USP6NL: variants seen among roughly 807,000 people sequenced by gnomAD.
The protein encoded by USP6NL is USP6 N-terminal-like protein.
Under a neutral mutation model 61.9 loss-of-function variants are expected in USP6NL, and 26 were observed. The ratio of observed to expected loss-of-function variants is 0.42; its 90% CI spans 0.31 to 0.58. The LOEUF (loss-of-function observed/expected upper bound fraction) is 0.58. Ranked by LOEUF, USP6NL falls within the 20% of genes least tolerant of loss-of-function variation. The pLI, the probability that USP6NL is intolerant of heterozygous loss-of-function variation, is 0.16. For synonymous variants in USP6NL, 432 were observed against 390.1 expected, an observed-to-expected ratio of 1.11 and a Z score of -1.27; for missense variants, 1,114 against 1,034.3, an observed-to-expected ratio of 1.08 and a Z score of -1.06.
Position 11,482,038 on chromosome 10 carries a change from A to G in USP6NL, c.926-116T>C. 1 of 1,027,696 alleles carries G rather than the reference A, an allele frequency of 9.7e-7. No individual in the cohort carries two copies. The highest frequency in any genetic ancestry group is 1.4e-6 in the Non-Finnish European group (1 of 739,648). 63.7% of individuals were successfully genotyped at this position (1,027,696 alleles called of 1,614,324 possible). ...GCATTAAAAAGGGCGCAAGCAGCAT[A>G]CAACTTACATATGGCATTGAGGACA... On this transcript the variant is annotated intron_variant, in intron 13 of 14. Transcript: ENST00000609104. This position sits in a 1 kb window ranked among gnomAD's most constrained non-coding sequence, Gnocchi z 4.0.
rs1838397565 is a variant in USP6NL, at chr10:11,598,346, C to T, written c.-83-629G>A. ...TTTTTCTAAGTATTTTAAAAATATACTTGATACTACACATAAAATTTTGTA... is the reference window on the plus strand; with the variant it reads ...TTTTTCTAAGTATTTTAAAAATATATTTGATACTACACATAAAATTTTGTA... On this transcript the variant is annotated intron_variant, in intron 1 of 14. Transcript: ENST00000609104. This position sits in a 1 kb window ranked among gnomAD's most constrained non-coding sequence, Gnocchi z 4.7. Among the ~76,000 whole-genome samples the T allele has an allele frequency of 1.3e-5, 2 of 152,056 alleles. No homozygotes were observed. The highest frequency in any genetic ancestry group is 4.8e-5 in the African/African-American group (2 of 41,410).
chr10:11,462,001 A>C lies in USP6NL; in HGVS notation c.*440T>G, dbSNP rs575736477. The C allele has an allele frequency of 8.3e-5, 13 of 156,098 alleles. No individual in the cohort carries two copies. Among genetic ancestry groups the C allele is most frequent in the Admixed American group, 2.5e-4 (4 of 15,728 alleles). 9.7% of individuals were successfully genotyped at this position (156,098 alleles called of 1,614,324 possible). On this transcript the variant is annotated 3_prime_UTR_variant, in exon 15 of 15. Coordinates refer to ENST00000609104, the MANE Select transcript of USP6NL (RefSeq NM_014688.5). The stretch of plus-strand genomic sequence containing the variant: ...AAAACGTTTCTTTAGCTCTGTGTTC[A>C]AATGTGGATGAACAGATGCCTATAT...
In USP6NL at chr10:11,553,789, G is replaced by T. The variant is rs775915199; in HGVS notation, c.5-26222C>A. ...TGGGCGCCTGTAATCCCAACTACTC[G>T]CGAGGCTCAGGCAAGAGAACTGCTT... On this transcript the variant is annotated intron_variant, in intron 2 of 14. Transcript: ENST00000609104. The surrounding 1 kb of genome is among the most constrained non-coding windows in gnomAD (Gnocchi z 4.8). Among the ~76,000 whole-genome samples, 5 of 151,694 alleles carry T rather than the reference G, an allele frequency of 3.3e-5. No homozygotes were observed. Among genetic ancestry groups the T allele is most frequent in the African/African-American group, 9.7e-5 (4 of 41,260 alleles).
At chr10:11,483,606 AGG>A (rs1566124322) in intron 13 of USP6NL, among the ~76,000 whole-genome samples, 4 of 5,958 alleles carry the variant, frequency 6.7e-4, no homozygotes, top group East Asian at 0.011. Flanking sequence ...GGGAGGGGGG[AGG>A]GGGAGAGGGG....
At chr10:11,571,087 CTT>C (rs34320297) in intron 2 of USP6NL, among the ~76,000 whole-genome samples, 2 of 145,562 alleles carry the variant, frequency 1.4e-5, no homozygotes, top group African/African-American at 2.5e-5. Flanking sequence ...CAAAATAATT[CTT>C]TTTTTTTTTT....
chr10:11,599,396 A>G (rs1838435871), intron 1 of USP6NL, among the ~76,000 whole-genome samples: 1 of 152,252 alleles, frequency 6.6e-6, no homozygotes, highest in South Asian at 2.1e-4. Context: ...TGTGCGATGT[A>G]GCACACTGCT....
In USP6NL at chr10:11,489,323, C is replaced by G. The variant is rs990479155; in HGVS notation, c.544-101G>C. ...CTATAAAAACCAGAAAATGCCTACA[C>G]ACATCATTTAATGGTCCATTCTAGA... On this transcript the variant is annotated intron_variant, in intron 9 of 14. Transcript: ENST00000609104. This position sits in a 1 kb window ranked among gnomAD's most constrained non-coding sequence, Gnocchi z 5.7. 2 of 1,457,632 alleles carry G rather than the reference C, an allele frequency of 1.4e-6. No individual in the cohort carries two copies. The highest frequency in any genetic ancestry group is 2.3e-5 in the East Asian group (1 of 43,522). 90.3% of individuals were successfully genotyped at this position (1,457,632 alleles called of 1,614,324 possible).
chr10:11,577,532 G>T (rs143659195), intron 2 of USP6NL, among the ~76,000 whole-genome samples: 2 of 152,010 alleles, frequency 1.3e-5, no homozygotes, highest in South Asian at 2.1e-4. Flanking sequence ...ACAGAGTCTC[G>T]CTCTGTCAGC....
In USP6NL at chr10:11,487,218, T is replaced by A. The variant is rs2133248124; in HGVS notation, c.665-1307A>T. ...ACAGTTCTTCATTTTCCACTGATGT[T>A]CCAGATCTCATATTTTATATTTTCA... On this transcript the variant is annotated intron_variant, in intron 10 of 14. Transcript: ENST00000609104. This position sits in a 1 kb window ranked among gnomAD's most constrained non-coding sequence, Gnocchi z 4.2. 6.6e-6 allele frequency among the ~76,000 whole-genome samples: 1 copy of A among 152,294 alleles called. No homozygotes were observed. The highest frequency in any genetic ancestry group is 1.9e-4 in the East Asian group (1 of 5,188).
Position 11,550,642 on chromosome 10 carries a change from A to G in USP6NL, c.5-23075T>C, listed in dbSNP as rs1379161403. Among the ~76,000 whole-genome samples, 4 of 152,044 alleles carry G rather than the reference A, an allele frequency of 2.6e-5. No individual in the cohort carries two copies. In the East Asian group the frequency reaches 7.7e-4, roughly 29 times the overall value. On this transcript the variant is annotated intron_variant, in intron 2 of 14. Coordinates refer to ENST00000609104, the MANE Select transcript of USP6NL (RefSeq NM_014688.5). Reference sequence around the variant, plus strand: ...GTGGTGGCACACACCTGTAGTCCCAACTACTCAGGGAGGCTGAGGCAGAAG... The same window carrying G: ...GTGGTGGCACACACCTGTAGTCCCAGCTACTCAGGGAGGCTGAGGCAGAAG...
intron 2 of USP6NL, chr10:11,573,827 G>T (rs1357955860): frequency 2.5e-6 from 1 of 394,116 alleles, no homozygotes; most frequent in Non-Finnish European, 4.5e-6. Flanking sequence ...TATCCATGAA[G>T]GCTCTGAAGC....
At chr10:11,579,811 T>C (rs938227607) in intron 2 of USP6NL, among the ~76,000 whole-genome samples, 2 of 150,764 alleles carry the variant, frequency 1.3e-5, no homozygotes, top group African/African-American at 2.4e-5. Flanking sequence ...AAAAGCTAGA[T>C]AGTAAATGTT....
At position 11,460,530 on chromosome 10, in the gene USP6NL, T is replaced by G. The variant is rs1308980963; in HGVS notation, c.*1911A>C. 6.6e-6 allele frequency: 1 copy of G among 150,834 alleles called. No individual in the cohort carries two copies. The highest frequency in any genetic ancestry group is 2.4e-5 in the African/African-American group (1 of 41,242). The allele number at this position is 150,834 out of a possible 1,614,324, so 9.3% of individuals were successfully genotyped here. A position where few individuals can be genotyped will look rare whatever the true frequency, so the allele number is the denominator to read the frequency against. ...CAAAATATACTTATTACTTTTAGCATGTTAAAAAACAATCACATCAAAAAA... is the reference window on the plus strand; with the variant it reads ...CAAAATATACTTATTACTTTTAGCAGGTTAAAAAACAATCACATCAAAAAA... On this transcript the variant is annotated 3_prime_UTR_variant, in exon 15 of 15. Transcript: ENST00000609104.
intron 10 of USP6NL, among the ~76,000 whole-genome samples, chr10:11,488,873 G>A (rs11257127): frequency 0.21 from 32,061 of 152,130 alleles, 3,988 homozygotes; most frequent in East Asian, 0.59. Context: ...GAATTTTAAA[G>A]TGCCAACAAT....
At chr10:11,582,128 C>T (rs1031490502) in intron 2 of USP6NL, among the ~76,000 whole-genome samples, 8 of 152,234 alleles carry the variant, frequency 5.3e-5, no homozygotes, top group African/African-American at 1.9e-4. Context: ...CCGCACCTGG[C>T]TAACTTTTTG....
intron 2 of USP6NL, among the ~76,000 whole-genome samples, chr10:11,579,928 T>C (rs1315616306): frequency 2.1e-5 from 3 of 145,052 alleles, no homozygotes; most frequent in South Asian, 4.3e-4. Context: ...CCATAGGCTG[T>C]AGTTTGCAGA....
chr10:11,536,219 T>C (rs1252271902), intron 2 of USP6NL, among the ~76,000 whole-genome samples: 1 of 152,170 alleles, frequency 6.6e-6, no homozygotes. Flanking sequence ...CCACTGGTGG[T>C]CCTGTAGGAA....
Position 11,501,110 on chromosome 10 carries a change from G to C in USP6NL, c.375C>G (p.Asp125Glu), listed in dbSNP as rs747397995. The change falls in exon 7 of 15, where the codon GAC becomes GAG. Residue 125 changes from aspartate to glutamate, a missense_variant. Transcript: ENST00000609104. ...EIPKMKEETR[D>E]LYSKLKHRAR... is the part of the protein sequence containing the mutation. ...AGCTTTAGCTACTCACACTATACAG[G>C]TCCCTTGTTTCTTCTTTCATTTTAG... 3.1e-6 allele frequency: 5 copies of C among 1,609,678 alleles called. No homozygotes were observed. The highest frequency in any genetic ancestry group is 4.2e-6 in the Non-Finnish European group (5 of 1,178,208).
chr10:11,492,334 G>A (rs764187117), intron 8 of USP6NL, among the ~76,000 whole-genome samples: 2 of 152,206 alleles, frequency 1.3e-5, no homozygotes, highest in Non-Finnish European at 2.9e-5. Context: ...CACTGATCTA[G>A]GTGTCACTGG....
Sources: gnomAD v4.1 joint callset for allele counts (sites outside exome capture counted in the v4.1 genomes callset) on GRCh38, gnomAD v4.1.1 for gene constraint, Gnocchi (gnomAD v3.1) non-coding constraint, MANE v1.5 for transcripts, NCBI Gene and HGNC (gene_info 2026-07-23, HGNC 2026-07-21) for gene names.